AIMP2: variants seen among roughly 807,000 people sequenced by gnomAD.
AIMP2 encodes aminoacyl tRNA synthase complex-interacting multifunctional protein 2.
Under a neutral mutation model 23.4 loss-of-function variants are expected in AIMP2, and 20 were observed. That is an observed-to-expected ratio of 0.85 (90% CI 0.60 to 1.24). AIMP2 has a LOEUF of 1.24. AIMP2 is among the 50% of genes most tolerant of loss of function. AIMP2 has a pLI of 0.00. For synonymous variants in AIMP2, 210 were observed against 170.4 expected (o/e 1.23, Z -1.81); for missense variants, 515 against 414.5 (o/e 1.24, Z -2.10).
chr7:6,012,696 A>G (rs1331214885), intron 1 of AIMP2: 1 of 445,670 alleles, frequency 2.2e-6, no homozygotes, highest in East Asian at 9.5e-5. Context: ...AGTAGCTGGG[A>G]TTACAGGTGC....
At chr7:6,015,375 A>T in intron 2 of AIMP2, 23 bp downstream of exon 2, 2 of 1,610,998 alleles carry the variant, frequency 1.2e-6, no homozygotes, top group Non-Finnish European at 1.7e-6. Flanking sequence ...TGAAAGCTGA[A>T]ACGTTAGTAG....
At chr7:6,012,651 G>A (rs958568467) in intron 1 of AIMP2, 2 of 349,734 alleles carry the variant, frequency 5.7e-6, no homozygotes, top group Admixed American at 2.8e-5. Flanking sequence ...ACTGTCTCCC[G>A]GGTTCAAGCA....
chr7:6,017,218 A>G (rs1474405808), intron 2 of AIMP2, among the ~76,000 whole-genome samples: 1 of 152,092 alleles, frequency 6.6e-6, no homozygotes, highest in African/African-American at 2.4e-5. Context: ...AGGGACAAAT[A>G]AAAGTGTCAT....
At chr7:6,020,654 C>T (rs370039044) in intron 3 of AIMP2, among the ~76,000 whole-genome samples, 15 of 152,092 alleles carry the variant, frequency 9.9e-5, no homozygotes, top group Admixed American at 4.6e-4. Flanking sequence ...AAGCAGCTTC[C>T]GCCAACCAAG....
intron 1 of AIMP2, among the ~76,000 whole-genome samples, chr7:6,010,905 G>A (rs914759579): frequency 4.6e-5 from 7 of 151,862 alleles, no homozygotes; most frequent in Admixed American, 1.3e-4. Context: ...GGCCACAGGC[G>A]ATCCTCTAAC....
At position 6,009,344 on chromosome 7, in the gene AIMP2, C is replaced by A. The variant is rs1486030974; in HGVS notation, c.-20C>A. 1 of 1,611,822 alleles carries A rather than the reference C, an allele frequency of 6.2e-7. No homozygotes were observed. The highest frequency in any genetic ancestry group is 8.5e-7 in the Non-Finnish European group (1 of 1,180,006). Reference sequence around the variant, plus strand: ...CGTTGGCCTTTGGCACGCGCTACCCCCTTTTGCTTTGGTTCTGCCATGCCG... The same window carrying A: ...CGTTGGCCTTTGGCACGCGCTACCCACTTTTGCTTTGGTTCTGCCATGCCG... On this transcript the variant is annotated 5_prime_UTR_variant, in exon 1 of 4. Coordinates refer to ENST00000223029, the MANE Select transcript of AIMP2 (RefSeq NM_006303.4).
intron 1 of AIMP2, among the ~76,000 whole-genome samples, chr7:6,013,787 A>G (rs1786848085): frequency 6.6e-6 from 1 of 151,988 alleles, no homozygotes; most frequent in Non-Finnish European, 1.5e-5. Flanking sequence ...TTGTCTCTAC[A>G]AAAAAATTTA....
At chr7:6,012,884 C>G (rs962467173) in intron 1 of AIMP2, 1 of 990,190 alleles carries the variant, frequency 1.0e-6, no homozygotes, top group Non-Finnish European at 1.2e-6. Flanking sequence ...ATACTGAACT[C>G]TGTTCCACCC....
chr7:6,011,880 G>T (rs988666777), intron 1 of AIMP2, among the ~76,000 whole-genome samples: 2 of 152,150 alleles, frequency 1.3e-5, no homozygotes, highest in South Asian at 4.1e-4. Flanking sequence ...TTGGGTTTTT[G>T]TGAACTTAGA....
At chr7:6,019,905 C>T (rs1787274679) in intron 3 of AIMP2, among the ~76,000 whole-genome samples, 1 of 151,520 alleles carries the variant, frequency 6.6e-6, no homozygotes, top group Non-Finnish European at 1.5e-5. Context: ...GCCTGTAGTC[C>T]CAGCTACTTG....
At chr7:6,011,990 C>T (rs542981281) in intron 1 of AIMP2, among the ~76,000 whole-genome samples, 4 of 152,270 alleles carry the variant, frequency 2.6e-5, no homozygotes, top group Non-Finnish European at 4.4e-5. Context: ...CAGTGGCCCA[C>T]GTCTGTAATC....
rs763387407 is a variant in AIMP2 at position 6,009,493 on chromosome 7, G to T, written c.130G>T (p.Val44Leu). ...SYGPAPGAGH[V>L]QEESNLSLQA... ...CGGCCCAGCGCCGGGCGCTGGCCAC[G>T]TGCAGGTAGGAGCGCGGGGCCCCCC... Residue 44 changes from valine (V) to leucine (L), a missense_variant, in exon 1 of 4, where the codon GTG becomes TTG. By Grantham distance (32) the Val-to-Leu change is conservative. Transcript: ENST00000223029. 1.9e-5 allele frequency: 30 copies of T among 1,547,144 alleles called. No homozygotes were observed. Among genetic ancestry groups the T allele is most frequent in the East Asian group, 2.4e-5 (1 of 41,200 alleles).
intron 2 of AIMP2, 128 bp from the exon 3 acceptor site, chr7:6,017,686 C>G (rs115117072): frequency 1.3e-6 from 1 of 758,324 alleles, no homozygotes; most frequent in Non-Finnish European, 2.1e-6. Context: ...GTGGAGATGA[C>G]GCTAGTGCCG....
intron 1 of AIMP2, chr7:6,012,845 C>T (rs1786778463): frequency 3.0e-6 from 3 of 1,006,260 alleles, no homozygotes; most frequent in Non-Finnish European, 3.6e-6. Flanking sequence ...AGCCACTGTG[C>T]CTAGCCAGCA....
At position 6,018,065 on chromosome 7, in the gene AIMP2, T is replaced by G; in HGVS notation, c.574+20T>G. 1 of 1,589,080 alleles carries G rather than the reference T, an allele frequency of 6.3e-7. No homozygotes were observed. The highest frequency in any genetic ancestry group is 1.3e-5 in the African/African-American group (1 of 74,570). On this transcript the variant is annotated intron_variant, in intron 3 of 3. Coordinates refer to ENST00000223029, the MANE Select transcript of AIMP2 (RefSeq NM_006303.4). Reference sequence around the variant, plus strand: ...AGAATGGTAAGTAGACGGGACTGAGTTCAACTTACACACAGCTGCCCCTTG... The same window carrying G: ...AGAATGGTAAGTAGACGGGACTGAGGTCAACTTACACACAGCTGCCCCTTG...
At position 6,015,150 on chromosome 7, in the gene AIMP2, A is replaced by G; in HGVS notation, c.140A>G (p.Glu47Gly). 1 of 1,614,152 alleles carries G rather than the reference A, an allele frequency of 6.2e-7. No homozygotes were observed. The highest frequency in any genetic ancestry group is 1.1e-5 in the South Asian group (1 of 91,078). Residue 47 changes from glutamate to glycine, a missense_variant, in exon 2 of 4, where the codon GAG becomes GGG. Coordinates refer to ENST00000223029, the MANE Select transcript of AIMP2 (RefSeq NM_006303.4). ...TTTGGCTGTTGGTTTGTTTAGGAAG[A>G]GTCTAACCTGTCTCTGCAAGCTCTT... ...PAPGAGHVQE[E>G]SNLSLQALES...
intron 2 of AIMP2, among the ~76,000 whole-genome samples, chr7:6,016,530 A>G (rs1361877859): frequency 6.6e-6 from 1 of 152,150 alleles, no homozygotes; most frequent in African/African-American, 2.4e-5. Flanking sequence ...ATGAGGTGCA[A>G]CCAGGCCCTC....
chr7:6,020,936 G>T (rs1300956726), intron 3 of AIMP2, among the ~76,000 whole-genome samples: 1 of 152,180 alleles, frequency 6.6e-6, no homozygotes, highest in African/African-American at 2.4e-5. Flanking sequence ...GACTTAACGG[G>T]AAAAGATAAA....
chr7:6,015,532 G>A (rs1786974491), intron 2 of AIMP2, among the ~76,000 whole-genome samples, 180 bp downstream of exon 2: 1 of 152,066 alleles, frequency 6.6e-6, no homozygotes, highest in Admixed American at 6.6e-5. Context: ...AGACCATCCT[G>A]GCCAACGTGG....
Sources: allele counts gnomAD v4.1 joint callset (sites outside exome capture counted in the v4.1 genomes callset), GRCh38; gene constraint gnomAD v4.1.1; transcripts MANE v1.5; gene names NCBI Gene and HGNC (gene_info 2026-07-23, HGNC 2026-07-21).